Variants in TUBB6 observed in about 807,000 individuals in gnomAD.
The protein encoded by TUBB6 is tubulin beta-6 chain.
In TUBB6, 18 loss-of-function variants were observed where a neutral mutation model predicts 32.3. That is an observed-to-expected ratio of 0.56 (90% CI 0.39 to 0.83). The LOEUF (loss-of-function observed/expected upper bound fraction) is 0.83, where lower values mean the gene tolerates loss of function less well. Ranked by LOEUF, TUBB6 falls within the 40% of genes least tolerant of loss-of-function variation. TUBB6 has a pLI of 0.00. For missense variants in TUBB6, 480 were observed against 632.0 expected, an observed-to-expected ratio of 0.76 and a Z score of 2.58; for synonymous variants, 280 against 265.8, an observed-to-expected ratio of 1.05 and a Z score of -0.52.
chr18:12,308,833 C>A (rs753072764), intron 2 of TUBB6, 38 bp downstream of exon 2: 5 of 1,359,700 alleles, frequency 3.7e-6, no homozygotes, highest in Non-Finnish European at 5.3e-6. Flanking sequence ...CCGGCCGGGA[C>A]CCGCGTGGAC....
chr18:12,319,133 CCTTTT>C (rs2144150331), intron 3 of TUBB6, among the ~76,000 whole-genome samples: 1 of 9,140 alleles, frequency 1.1e-4, no homozygotes, highest in South Asian at 0.012. Context: ...TTTCCTTTTT[CCTTTT>C]TTTTTTTTTT....
Position 12,326,262 on chromosome 18 carries a change from C to G in TUBB6, c.*132C>G. The G allele has an allele frequency of 7.6e-7, 1 of 1,324,106 alleles. No homozygotes were observed. Among genetic ancestry groups the G allele is most frequent in the Non-Finnish European group, 1.0e-6 (1 of 994,972 alleles). The allele number at this position is 1,324,106 out of a possible 1,614,324, so 82.0% of individuals were successfully genotyped here. A position where few individuals can be genotyped will look rare whatever the true frequency, so the allele number is the denominator to read the frequency against. On this transcript the variant is annotated 3_prime_UTR_variant, in exon 4 of 4. Coordinates refer to ENST00000317702, the MANE Select transcript of TUBB6 (RefSeq NM_032525.3). ...TGGTGTCGGCCCCTCACAAATGCAG[C>G]CAAGTCATGTAATTAGTCATCTGGA...
intron 3 of TUBB6, among the ~76,000 whole-genome samples, chr18:12,324,612 G>A (rs1337550101): frequency 2.6e-5 from 4 of 151,672 alleles, no homozygotes; most frequent in African/African-American, 7.3e-5. Context: ...CACCACGCCC[G>A]GCTGATTTTT....
At chr18:12,324,348 C>T (rs995925014) in intron 3 of TUBB6, among the ~76,000 whole-genome samples, 1 of 151,126 alleles carries the variant, frequency 6.6e-6, no homozygotes, top group Non-Finnish European at 1.5e-5. Context: ...CCAGCCTGGG[C>T]GACAGAGTGA....
At chr18:12,328,975 ATTT>A (rs1168480963), downstream of TUBB6, 1 of 575,152 alleles carries the variant, frequency 1.7e-6, no homozygotes, top group African/African-American at 1.9e-5. Context: ...TTGACATTTT[ATTT>A]TTTATGTAAA....
chr18:12,312,032 C>G lies in TUBB6; in HGVS notation c.277+979C>G, dbSNP rs142977107. ...TTGAAGACTGATTCTGGCTTAAAAG[C>G]ACTATGGTGTAGGAATCAAATACAT... On this transcript the variant is annotated intron_variant, in intron 3 of 3. Transcript: ENST00000317702. Among the ~76,000 whole-genome samples the G allele has an allele frequency of 1.4e-3, 220 of 152,266 alleles. 1 individual carries two copies. Among genetic ancestry groups the G allele is most frequent in the African/African-American group, 4.8e-3 (199 of 41,552 alleles).
In TUBB6 at chr18:12,325,868, G is replaced by A. The variant is rs1328898373; in HGVS notation, c.1079G>A (p.Gly360Asp). ...GCCGTGTGCGACATCCCGCCCCGCG[G>A]CCTGAAGATGGCCTCCACCTTCATC... The part of the protein sequence containing the change: ...KVAVCDIPPR[G>D]LKMASTFIGN... Residue 360 changes from glycine to aspartate, a missense_variant, in exon 4 of 4, where the codon GGC (glycine) becomes GAC (aspartate). Transcript: ENST00000317702. The A allele has an allele frequency of 6.8e-6, 11 of 1,614,200 alleles. No individual in the cohort carries two copies. Among genetic ancestry groups the A allele is most frequent in the Non-Finnish European group, 9.3e-6 (11 of 1,180,052 alleles).
At position 12,320,181 on chromosome 18, in the gene TUBB6, T is replaced by G. The variant is rs9946007; in HGVS notation, c.278-4886T>G. ...AGTTGGAGGCTGCAGTGGCTATGAT[T>G]GCACCACTGCACTCCAGCCTGGGTA... is the stretch of plus-strand genomic sequence containing the variant. On this transcript the variant is annotated intron_variant, in intron 3 of 3. Transcript: ENST00000317702. 4.6e-3 allele frequency among the ~76,000 whole-genome samples: 703 copies of G among 152,094 alleles called. 8 individuals carry two copies. Among genetic ancestry groups the G allele is most frequent in the African/African-American group, 0.016 (666 of 41,514 alleles).
chr18:12,311,229 A>T (rs1020256202), intron 3 of TUBB6, 176 bp downstream of exon 3: 16 of 526,352 alleles, frequency 3.0e-5, no homozygotes, highest in Non-Finnish European at 6.6e-6. Context: ...GTTTTTTTTA[A>T]ATCTTGACTT....
At chr18:12,320,067 C>T (rs1264892541) in intron 3 of TUBB6, among the ~76,000 whole-genome samples, 2 of 151,828 alleles carry the variant, frequency 1.3e-5, no homozygotes, top group South Asian at 2.1e-4. Context: ...AGATTACAAG[C>T]GTGAGCCACC....
At chr18:12,307,831 C>T (rs11665134), upstream of TUBB6, 102,685 of 152,118 alleles carry the variant, frequency 0.68, 36,189 homozygotes, top group Non-Finnish European at 0.78. Context: ...AAAGCTCCAC[C>T]GCCGAACCCC....
At chr18:12,316,045 T>A (rs1167885072) in intron 3 of TUBB6, among the ~76,000 whole-genome samples, 1 of 152,252 alleles carries the variant, frequency 6.6e-6, no homozygotes, top group South Asian at 2.1e-4. Context: ...CCCGGCCCAG[T>A]CTGCCCCAGG....
chr18:12,329,537 C>G (rs1129115), downstream of TUBB6: 375,328 of 1,603,688 alleles, frequency 0.23, 47,325 homozygotes, highest in African/African-American at 0.39. Context: ...CCACAGTGGA[C>G]AGACTGAGAT....
chr18:12,324,403 T>C lies in TUBB6; in HGVS notation c.278-664T>C, dbSNP rs190378523. Among the ~76,000 whole-genome samples, 1,192 of 150,672 alleles carry C rather than the reference T, an allele frequency of 7.9e-3. 41 individuals are homozygous for C. Among genetic ancestry groups the C allele is most frequent in the Admixed American group, 0.073 (1,099 of 15,158 alleles). On this transcript the variant is annotated intron_variant, in intron 3 of 3. Coordinates refer to ENST00000317702, the MANE Select transcript of TUBB6 (RefSeq NM_032525.3). ...AGAAAGAAAGAAAAGAAAATACTTA[T>C]ACATAGTACAGTATAAGATTCAGAA...
intron 3 of TUBB6, among the ~76,000 whole-genome samples, chr18:12,314,698 A>G (rs1046343681): frequency 1.3e-5 from 2 of 152,238 alleles, no homozygotes; most frequent in Non-Finnish European, 2.9e-5. Flanking sequence ...AAAGAAGGAT[A>G]TGAAACAACA....
chr18:12,317,104 C>T (rs971621931), intron 3 of TUBB6, among the ~76,000 whole-genome samples: 5 of 148,574 alleles, frequency 3.4e-5, no homozygotes, highest in Non-Finnish European at 5.9e-5. Context: ...TGCAGTGAGC[C>T]GAGATTGAGC....
At chr18:12,323,049 G>T (rs962966428) in intron 3 of TUBB6, among the ~76,000 whole-genome samples, 6 of 151,986 alleles carry the variant, frequency 3.9e-5, no homozygotes, top group African/African-American at 1.5e-4. Context: ...CTAGTATCTA[G>T]TTTTTTCAAA....
At position 12,314,145 on chromosome 18, in the gene TUBB6, G is replaced by A. The variant is rs537389108; in HGVS notation, c.277+3092G>A. 2.0e-5 allele frequency among the ~76,000 whole-genome samples: 3 copies of A among 152,180 alleles called. No individual in the cohort carries two copies. The South Asian group carries it at 6.2e-4, about 32-fold the overall frequency. ...AAGAAAGAGCACCGCACCGGGAGAGGGAAACTGAGCAGCTGACCCTAGCTC... is the reference window on the plus strand; with the variant it reads ...AAGAAAGAGCACCGCACCGGGAGAGAGAAACTGAGCAGCTGACCCTAGCTC... On this transcript the variant is annotated intron_variant, in intron 3 of 3. Transcript: ENST00000317702.
At chr18:12,322,151 A>T (rs1907022035) in intron 3 of TUBB6, among the ~76,000 whole-genome samples, 1 of 146,812 alleles carries the variant, frequency 6.8e-6, no homozygotes, top group Admixed American at 7.1e-5. Flanking sequence ...AAAATACAAA[A>T]ATTAGCCGGG....
Sources: gnomAD v4.1 joint callset for allele counts (sites outside exome capture counted in the v4.1 genomes callset) on GRCh38, gnomAD v4.1.1 for gene constraint, MANE v1.5 for transcripts, NCBI Gene and HGNC (gene_info 2026-07-23, HGNC 2026-07-21) for gene names.